The following CCM2L variants were observed in gnomAD, a reference collection of about 807,000 sequenced individuals.
CCM2L encodes cerebral cavernous malformations 2 protein-like.
In CCM2L, 36 loss-of-function variants were observed where a neutral mutation model predicts 54.1. The observed-to-expected ratio is 0.67, with a 90% CI of 0.51 to 0.88. The LOEUF is 0.88. CCM2L is among the 40% of genes least tolerant of loss of function. The pLI is 0.00. For missense variants in CCM2L, 700 were observed against 812.1 expected, an observed-to-expected ratio of 0.86 and a Z score of 1.68; for synonymous variants, 351 against 359.3, an observed-to-expected ratio of 0.98 and a Z score of 0.26.
At chr20:32,023,542 G>C (rs1204172239) in intron 6 of CCM2L, among the ~76,000 whole-genome samples, 1 of 152,224 alleles carries the variant, frequency 6.6e-6, no homozygotes, top group Non-Finnish European at 1.5e-5. Context: ...AGCACCAGTT[G>C]TGTGCCAAGC....
chr20:32,021,991 C>T (rs1335930693), intron 5 of CCM2L, among the ~76,000 whole-genome samples: 2 of 152,120 alleles, frequency 1.3e-5, no homozygotes, highest in Admixed American at 6.5e-5. Flanking sequence ...TTTTTACAGA[C>T]ACAACATAGA....
rs1186290913 is a variant in CCM2L, at chr20:32,031,934, G to C, written c.*620G>C. ...GTTTCCTCCACCCAGGGTTGACTCA[G>C]GGGGATGATCTGGGTCCCATTCTGG... On this transcript the variant is annotated 3_prime_UTR_variant, in exon 10 of 10. Transcript: ENST00000452892. 1 of 151,982 alleles carries C rather than the reference G, an allele frequency of 6.6e-6. No homozygotes were observed. Among genetic ancestry groups the C allele is most frequent in the Non-Finnish European group, 1.5e-5 (1 of 67,950 alleles). The allele number at this position is 151,982 out of a possible 1,614,324, so 9.4% of individuals were successfully genotyped here. A position where few individuals can be genotyped will look rare whatever the true frequency, so the allele number is the denominator to read the frequency against.
At position 32,019,314 on chromosome 20, in the gene CCM2L, T is replaced by G; in HGVS notation, c.838T>G (p.Trp280Gly). 7.5e-7 allele frequency: 1 copy of G among 1,324,986 alleles called. No individual in the cohort carries two copies. Among genetic ancestry groups the G allele is most frequent in the Non-Finnish European group, 9.6e-7 (1 of 1,037,428 alleles). The allele number at this position is 1,324,986 out of a possible 1,614,324, so 82.1% of individuals were successfully genotyped here. A position where few individuals can be genotyped will look rare whatever the true frequency, so the allele number is the denominator to read the frequency against. The change falls in exon 5 of 10, where the codon TGG becomes GGG. Residue 280 changes from tryptophan to glycine, a missense_variant. By Grantham distance (184) the Trp-to-Gly change is radical. Coordinates refer to ENST00000452892, the MANE Select transcript of CCM2L (RefSeq NM_001365692.1). Reference protein sequence around the residue: ...RQAGSGGGGSWERRHPGPNPL... With the variant: ...RQAGSGGGGSGERRHPGPNPL... Reference sequence around the variant, plus strand: ...GGCGGGCAGCGGCGGGGGAGGCAGCTGGGAGCGGCGCCACCCCGGCCCCAA... The same window carrying G: ...GGCGGGCAGCGGCGGGGGAGGCAGCGGGGAGCGGCGCCACCCCGGCCCCAA...
At chr20:32,012,020 C>T (rs1056776720) in intron 1 of CCM2L, among the ~76,000 whole-genome samples, 3 of 151,852 alleles carry the variant, frequency 2.0e-5, no homozygotes, top group Non-Finnish European at 4.4e-5. Flanking sequence ...TCTCCAGGCT[C>T]ACCCTCATCC....
Position 32,018,956 on chromosome 20 carries a change from C to G in CCM2L, c.480C>G (p.Asp160Glu). ...LLVLKTGLGV[D>E]PVPAGVDASP... Reference sequence around the variant, plus strand: ...GGACTCTCCTAGGTCTGGGTGTGGACCCGGTGCCGGCCGGCGTGGATGCCA... The same window carrying G: ...GGACTCTCCTAGGTCTGGGTGTGGAGCCGGTGCCGGCCGGCGTGGATGCCA... The change falls in exon 5 of 10, where the codon GAC (aspartate) becomes GAG (glutamate). Residue 160 changes from aspartate (D) to glutamate (E), a missense_variant. By Grantham distance (45) the Asp-to-Glu change is conservative. Coordinates refer to ENST00000452892, the MANE Select transcript of CCM2L (RefSeq NM_001365692.1). 7.1e-7 allele frequency: 1 copy of G among 1,400,846 alleles called. No homozygotes were observed. Among genetic ancestry groups the G allele is most frequent in the Admixed American group, 3.1e-5 (1 of 31,912 alleles). 86.8% of individuals were successfully genotyped at this position (1,400,846 alleles called of 1,614,324 possible). A position where few individuals can be genotyped will look rare whatever the true frequency, so the allele number is the denominator to read the frequency against.
At position 32,017,985 on chromosome 20, in the gene CCM2L, A is replaced by C. The variant is rs765188825; in HGVS notation, c.289A>C (p.Lys97Gln). ...GATCTGCCCCTCCCTGCAGCAGCTG[A>C]AGGAGCTGCCGCTGAAGACCACGGC... ...LQLLDTARQL[K>Q]ELPLKTTAEQ... The change falls in exon 4 of 10, where the codon AAG (lysine) becomes CAG (glutamine). Residue 97 changes from lysine (K) to glutamine (Q), a missense_variant. By Grantham distance (53) the Lys-to-Gln change is moderately conservative. Transcript: ENST00000452892. 1.2e-6 allele frequency: 2 copies of C among 1,613,366 alleles called. No homozygotes were observed. The highest frequency in any genetic ancestry group is 1.3e-5 in the African/African-American group (1 of 74,868).
chr20:32,010,504 G>A lies in CCM2L; in HGVS notation c.30+20G>A. ...AAGAAGGTAGGTGGGAGGTTGGGAG[G>A]GACGAAGGGAGAGGAATGTCCCCAA... On this transcript the variant is annotated intron_variant, in intron 1 of 9. Coordinates refer to ENST00000452892, the MANE Select transcript of CCM2L (RefSeq NM_001365692.1). 1 of 1,548,208 alleles carries A rather than the reference G, an allele frequency of 6.5e-7. No homozygotes were observed. Among genetic ancestry groups the A allele is most frequent in the African/African-American group, 1.4e-5 (1 of 72,824 alleles).
rs2122384032 is a variant in CCM2L at position 32,031,434 on chromosome 20, A to C, written c.*120A>C. 2 of 821,486 alleles carry C rather than the reference A, an allele frequency of 2.4e-6. No homozygotes were observed. The highest frequency in any genetic ancestry group is 1.8e-5 in the African/African-American group (1 of 55,264). 50.9% of individuals were successfully genotyped at this position (821,486 alleles called of 1,614,324 possible). ...GGCGGGGCCGGGGGGTCTTCACTCCAGGGTCTCGCTCCCTGCCCTTGGGGC... is the reference window on the plus strand; with the variant it reads ...GGCGGGGCCGGGGGGTCTTCACTCCCGGGTCTCGCTCCCTGCCCTTGGGGC... On this transcript the variant is annotated 3_prime_UTR_variant, in exon 10 of 10. Coordinates refer to ENST00000452892, the MANE Select transcript of CCM2L (RefSeq NM_001365692.1).
intron 1 of CCM2L, among the ~76,000 whole-genome samples, chr20:32,011,425 C>T (rs943508850): frequency 1.3e-5 from 2 of 151,804 alleles, no homozygotes; most frequent in Admixed American, 6.6e-5. Context: ...GCCAACATGG[C>T]GAAACCCTGT....
chr20:32,020,663 C>G (rs1307874964), intron 5 of CCM2L, among the ~76,000 whole-genome samples: 1 of 152,222 alleles, frequency 6.6e-6, no homozygotes, highest in Non-Finnish European at 1.5e-5. Flanking sequence ...CTTTCTCACA[C>G]ACACCCCATA....
intron 2 of CCM2L, 128 bp from the exon 3 acceptor site, chr20:32,017,672 T>A: frequency 1.2e-6 from 1 of 804,338 alleles, no homozygotes; most frequent in Non-Finnish European, 2.2e-6. Context: ...GTAAAAGTTA[T>A]TATCAGGTAT....
Position 32,028,840 on chromosome 20 carries a change from C to T in CCM2L, c.1134-155C>T, listed in dbSNP as rs114064572. 2,985 of 907,396 alleles carry T rather than the reference C, an allele frequency of 3.3e-3. 62 individuals carry two copies. The African/African-American group carries it at 0.045, about 14-fold the overall frequency. The allele number at this position is 907,396 out of a possible 1,614,324, so 56.2% of individuals were successfully genotyped here. ...CAAAGAGCAAAGGCAAAGGCAAGCA[C>T]AGTGACAGATGAGACTTGAGAGGTG... is the stretch of plus-strand genomic sequence containing the variant. On this transcript the variant is annotated intron_variant, in intron 7 of 9. Coordinates refer to ENST00000452892, the MANE Select transcript of CCM2L (RefSeq NM_001365692.1).
In CCM2L at chr20:32,017,917, C is replaced by T. The variant is rs2064754116; in HGVS notation, c.282+34C>T. ...CTGGGGAGGGAGGAGGGCAGGATCT[C>T]GCTCCCTTCTCCCTCTTCTACCTGC... On this transcript the variant is annotated intron_variant, in intron 3 of 9. Coordinates refer to ENST00000452892, the MANE Select transcript of CCM2L (RefSeq NM_001365692.1). 5.0e-6 allele frequency: 8 copies of T among 1,613,218 alleles called. No individual in the cohort carries two copies. In the African/African-American group the frequency reaches 5.3e-5, roughly 11 times the overall value.
chr20:32,027,006 G>A (rs1316494359), intron 7 of CCM2L, among the ~76,000 whole-genome samples: 1 of 152,150 alleles, frequency 6.6e-6, no homozygotes, highest in African/African-American at 2.4e-5. Context: ...AACATAGGGA[G>A]ACCCTGTCTC....
In CCM2L at chr20:32,031,078, G is replaced by C; in HGVS notation, c.1480G>C (p.Gly494Arg). The C allele has an allele frequency of 1.5e-6, 2 of 1,304,268 alleles. No individual in the cohort carries two copies. The highest frequency in any genetic ancestry group is 2.0e-6 in the Non-Finnish European group (2 of 988,946). The allele number at this position is 1,304,268 out of a possible 1,614,324, so 80.8% of individuals were successfully genotyped here. Residue 494 changes from glycine (G) to arginine (R), a missense_variant, in exon 10 of 10, where the codon GGC becomes CGC. Transcript: ENST00000452892. ...FLEGVGIREG[G>R]ILTDSFGRIK... ...GGAGGGCGTGGGCATCCGCGAGGGC[G>C]GCATCCTCACTGACAGCTTCGGCCG...
At chr20:32,026,793 G>A (rs1171292278) in intron 7 of CCM2L, among the ~76,000 whole-genome samples, 1 of 151,650 alleles carries the variant, frequency 6.6e-6, no homozygotes, top group Non-Finnish European at 1.5e-5. Flanking sequence ...GGAGAATGGC[G>A]TGAACCCAGG....
rs758436529 is a variant in CCM2L at position 32,015,019 on chromosome 20, A to G, written c.146A>G (p.Tyr49Cys). ...LHSMPLYPPD[Y>C]LIDPQILLCD... ...TCGATGCCCCTTTATCCCCCCGACTACCTCATCGACCCCCAGATTCTGCTG... is the reference window on the plus strand; with the variant it reads ...TCGATGCCCCTTTATCCCCCCGACTGCCTCATCGACCCCCAGATTCTGCTG... The change falls in exon 2 of 10, where the codon TAC (tyrosine) becomes TGC (cysteine). Residue 49 changes from tyrosine to cysteine, a missense_variant. Transcript: ENST00000452892. 6.4e-5 allele frequency: 100 copies of G among 1,560,038 alleles called. No homozygotes were observed. Among genetic ancestry groups the G allele is most frequent in the Non-Finnish European group, 8.4e-5 (97 of 1,155,998 alleles).
intron 5 of CCM2L, 61 bp downstream of exon 5, chr20:32,019,470 C>A: frequency 8.2e-7 from 1 of 1,219,380 alleles, no homozygotes; most frequent in Non-Finnish European, 1.1e-6. Flanking sequence ...TCCCCGCCCC[C>A]ACCTTGCCCC....
chr20:32,013,058 G>A (rs533871542), intron 1 of CCM2L, among the ~76,000 whole-genome samples: 33 of 152,236 alleles, frequency 2.2e-4, no homozygotes, highest in Non-Finnish European at 4.7e-4. Context: ...CAGCACTTTG[G>A]GAGGCCAAGG....
Sources: allele counts gnomAD v4.1 joint callset (sites outside exome capture counted in the v4.1 genomes callset), GRCh38; gene constraint gnomAD v4.1.1; transcripts MANE v1.5; gene names NCBI Gene and HGNC (gene_info 2026-07-23, HGNC 2026-07-21).